Variants in RAVER2 observed in about 807,000 individuals in gnomAD.
RAVER2 encodes the protein ribonucleoprotein PTB-binding 2.
RAVER2 carries 46 observed loss-of-function variants against 78.1 expected under a neutral mutation model. The ratio of observed to expected loss-of-function variants is 0.59; its 90% CI spans 0.46 to 0.75. The LOEUF is 0.75. Ranked by LOEUF, RAVER2 falls within the 30% of genes least tolerant of loss-of-function variation. The pLI, the probability that RAVER2 is intolerant of heterozygous loss-of-function variation, is 0.00. For missense variants in RAVER2, 793 were observed against 837.5 expected (o/e 0.95, Z 0.66); for synonymous variants, 311 against 313.3 (o/e 0.99, Z 0.08).
At chr1:64,765,717 T>G (rs1652157396) in intron 1 of RAVER2, among the ~76,000 whole-genome samples, 1 of 152,224 alleles carries the variant, frequency 6.6e-6, no homozygotes, top group African/African-American at 2.4e-5. Flanking sequence ...TTATTTTGTT[T>G]ATTACTACTC....
chr1:64,799,469 G>C (rs1653198826), intron 5 of RAVER2, among the ~76,000 whole-genome samples: 1 of 151,942 alleles, frequency 6.6e-6, no homozygotes, highest in Non-Finnish European at 1.5e-5. Context: ...TTTTGAGCTA[G>C]TCCCACCCTG....
exon 12 of RAVER2, chr1:64,832,119 G>C (rs1191058890): frequency 6.6e-6 from 1 of 152,602 alleles, no homozygotes; most frequent in Non-Finnish European, 1.5e-5. Context: ...TCATAGCGTA[G>C]ACTAGTAATG....
intron 11 of RAVER2, among the ~76,000 whole-genome samples, chr1:64,818,664 T>C (rs1653813556): frequency 6.6e-6 from 1 of 152,154 alleles, no homozygotes; most frequent in Admixed American, 6.5e-5. Context: ...AACATCACTG[T>C]ATGGTATTTG....
exon 12 of RAVER2, chr1:64,833,052 A>AAT (rs1553157336): frequency 5.6e-6 from 1 of 177,386 alleles, no homozygotes; most frequent in African/African-American, 2.4e-5. Context: ...CCCCGTTATC[A>AAT]ATCACTGGGC....
rs1413428507 is a variant in RAVER2, at chr1:64,745,418, C to A, written c.246C>A (p.Cys82Ter). ...AAAACCTGCCCCAGGACAGCAACTG[C>A]CAGGTACTGGGACGGTGATAGGGGC... The change falls in exon 1 of 12, where the codon TGC (cysteine) becomes TGA (stop). Residue 82 changes from cysteine (C) to a stop codon, truncating the protein, a stop_gained. Transcript: ENST00000294428. LOFTEE classifies it high-confidence loss of function. This position sits in a 1 kb window ranked among gnomAD's most constrained non-coding sequence, Gnocchi z 4.3. 6.5e-7 allele frequency: 1 copy of A among 1,531,628 alleles called. No individual in the cohort carries two copies. The highest frequency in any genetic ancestry group is 2.0e-5 in the Admixed American group (1 of 50,414). The allele number at this position is 1,531,628 out of a possible 1,614,324, so 94.9% of individuals were successfully genotyped here. A position where few individuals can be genotyped will look rare whatever the true frequency, so the allele number is the denominator to read the frequency against.
At chr1:64,827,110 A>G (rs1035152903) in intron 11 of RAVER2, among the ~76,000 whole-genome samples, 3 of 152,204 alleles carry the variant, frequency 2.0e-5, no homozygotes, top group Non-Finnish European at 2.9e-5. Context: ...GTAAATCGCT[A>G]TAATTGTGAA....
intron 5 of RAVER2, among the ~76,000 whole-genome samples, chr1:64,793,634 A>G (rs549481704): frequency 6.6e-6 from 1 of 152,308 alleles, no homozygotes; most frequent in African/African-American, 2.4e-5. Context: ...TTTTGATGTT[A>G]TGTATATACT....
intron 5 of RAVER2, among the ~76,000 whole-genome samples, chr1:64,792,567 G>A (rs1021305627): frequency 6.6e-6 from 1 of 152,094 alleles, no homozygotes; most frequent in Admixed American, 6.6e-5. Flanking sequence ...TCAGATTAAT[G>A]TATGGCCATA....
intron 4 of RAVER2, among the ~76,000 whole-genome samples, chr1:64,787,192 T>C (rs904900055): frequency 6.6e-6 from 1 of 152,248 alleles, no homozygotes; most frequent in Non-Finnish European, 1.5e-5. Context: ...AATTCTGCTT[T>C]CTGTCTTATA....
chr1:64,812,856 AG>A lies in RAVER2; in HGVS notation c.1792+11del, dbSNP rs1257180049. On this transcript the variant is annotated splice_region_variant and intron_variant, in intron 10 of 11. Transcript: ENST00000294428. Reference sequence around the variant, plus strand: ...CCCAGTGTGTGCTTATCATGTAAGTAGGGGCTCAGTATTCTTGTTGTGGAGT... The same window carrying A: ...CCCAGTGTGTGCTTATCATGTAAGTAGGGCTCAGTATTCTTGTTGTGGAGT... 6.4e-7 allele frequency: 1 copy of A among 1,560,120 alleles called. No individual in the cohort carries two copies. Among genetic ancestry groups the A allele is most frequent in the African/African-American group, 1.4e-5 (1 of 72,796 alleles).
chr1:64,776,380 T>C (rs1024193520), intron 2 of RAVER2, among the ~76,000 whole-genome samples: 1 of 152,200 alleles, frequency 6.6e-6, no homozygotes, highest in Non-Finnish European at 1.5e-5. Context: ...GGGACATGTG[T>C]TAAATGAAAA....
chr1:64,813,457 A>T (rs1394193386), intron 10 of RAVER2, among the ~76,000 whole-genome samples: 1 of 152,196 alleles, frequency 6.6e-6, no homozygotes, highest in African/African-American at 2.4e-5. Flanking sequence ...TATTTTGGCA[A>T]ATATATGCAT....
intron 2 of RAVER2, among the ~76,000 whole-genome samples, chr1:64,776,892 A>G (rs1652478862): frequency 6.6e-6 from 1 of 152,214 alleles, no homozygotes; most frequent in Admixed American, 6.5e-5. Context: ...CGTCATATGC[A>G]TTTGTTGCTT....
chr1:64,828,237 C>G (rs1016205927), intron 11 of RAVER2, among the ~76,000 whole-genome samples: 89 of 139,534 alleles, frequency 6.4e-4, no homozygotes, highest in African/African-American at 2.4e-3. Context: ...GTCAAAGTGA[C>G]AGTCCCCTTT....
intron 2 of RAVER2, among the ~76,000 whole-genome samples, chr1:64,771,138 T>C (rs571932994): frequency 6.6e-6 from 1 of 151,956 alleles, no homozygotes; most frequent in Non-Finnish European, 1.5e-5. Flanking sequence ...CAGTTAGTGA[T>C]AGAATGTCTT....
At chr1:64,797,852 G>A (rs1653136965) in intron 5 of RAVER2, among the ~76,000 whole-genome samples, 1 of 150,332 alleles carries the variant, frequency 6.7e-6, no homozygotes. Flanking sequence ...ATCCTTTTCT[G>A]ATATTTGCAG....
intron 11 of RAVER2, among the ~76,000 whole-genome samples, chr1:64,829,962 C>T (rs1654085147): frequency 6.6e-6 from 1 of 152,142 alleles, no homozygotes; most frequent in South Asian, 2.1e-4. Flanking sequence ...TCTGTTCCCT[C>T]TGAGGCTGGC....
intron 4 of RAVER2, among the ~76,000 whole-genome samples, chr1:64,789,121 A>G (rs564219171): frequency 1.8e-4 from 28 of 152,314 alleles, no homozygotes; most frequent in African/African-American, 6.7e-4. Flanking sequence ...TTCTATTTGT[A>G]TGATATGATG....
chr1:64,779,932 T>G (rs1652582993), intron 3 of RAVER2, among the ~76,000 whole-genome samples: 1 of 152,024 alleles, frequency 6.6e-6, no homozygotes, highest in South Asian at 2.1e-4. Flanking sequence ...GTCAGACCAT[T>G]GTGTTTTTGA....
Sources: allele counts gnomAD v4.1 joint callset (sites outside exome capture counted in the v4.1 genomes callset), GRCh38; gene constraint gnomAD v4.1.1; non-coding constraint Gnocchi (gnomAD v3.1); transcripts MANE v1.5; gene names NCBI Gene and HGNC (gene_info 2026-07-23, HGNC 2026-07-21).